The following KCNJ1 variants were observed in gnomAD, a reference collection of about 807,000 sequenced individuals.
KCNJ1 encodes the protein potassium inwardly rectifying channel subfamily J member 1, also known as ATP-sensitive inward rectifier potassium channel 1.
Under a neutral mutation model 21.9 loss-of-function variants are expected in KCNJ1, and 24 were observed. That is an observed-to-expected ratio of 1.10 (90% CI 0.79 to 1.54). The LOEUF (loss-of-function observed/expected upper bound fraction) is 1.54. Among genes scored for constraint, KCNJ1 ranks in the 40% most tolerant of loss-of-function variants. KCNJ1 has a pLI of 0.00. For synonymous variants in KCNJ1, 152 were observed against 160.9 expected (o/e 0.94, Z 0.42); for missense variants, 457 against 455.4 (o/e 1.00, Z -0.03).
chr11:128,863,556 G>A (rs1040467887), intron 1 of KCNJ1, among the ~76,000 whole-genome samples: 1 of 152,070 alleles, frequency 6.6e-6, no homozygotes, highest in Non-Finnish European at 1.5e-5. Flanking sequence ...AACAGTGCTG[G>A]GAAAATTCAG....
In KCNJ1 at chr11:128,839,024, C is replaced by G. The variant is rs1249231832; in HGVS notation, c.*101G>C. 1.2e-5 allele frequency: 13 copies of G among 1,052,400 alleles called. 1 individual carries two copies. Among genetic ancestry groups the G allele is most frequent in the Admixed American group, 7.8e-5 (4 of 51,582 alleles). The allele number at this position is 1,052,400 out of a possible 1,614,324, so 65.2% of individuals were successfully genotyped here. A position where few individuals can be genotyped will look rare whatever the true frequency, so the allele number is the denominator to read the frequency against. On this transcript the variant is annotated 3_prime_UTR_variant, in exon 3 of 3. Transcript: ENST00000392666. Reference sequence around the variant, plus strand: ...TTTGTGCTGGTAGACTTTGAAGGCTCTCATCCTACTTTCGTACCCCTAAAT... The same window carrying G: ...TTTGTGCTGGTAGACTTTGAAGGCTGTCATCCTACTTTCGTACCCCTAAAT...
intron 2 of KCNJ1, among the ~76,000 whole-genome samples, chr11:128,840,514 T>C (rs750169441): frequency 1.5e-4 from 21 of 142,450 alleles, no homozygotes; most frequent in Non-Finnish European, 2.7e-4. Context: ...GAAGACAAAC[T>C]AAGTGATTAT....
At chr11:128,851,383 G>A (rs1943475677) in intron 1 of KCNJ1, among the ~76,000 whole-genome samples, 1 of 152,170 alleles carries the variant, frequency 6.6e-6, no homozygotes, top group East Asian at 1.9e-4. Context: ...ATTTTATAAA[G>A]TGAAGAATAA....
chr11:128,839,844 A>G lies in KCNJ1; in HGVS notation c.400T>C (p.Cys134Arg). 6.2e-7 allele frequency: 1 copy of G among 1,614,196 alleles called. No homozygotes were observed. The highest frequency in any genetic ancestry group is 1.3e-5 in the African/African-American group (1 of 75,068). ...ATAAGCAGAAAAATGGCAGTGGCAC[A>G]CTGTTCTGTCACACACCTGAATCCA... The part of the protein sequence containing the change: ...GYGFRCVTEQ[C>R]ATAIFLLIFQ... Residue 134 changes from cysteine (C) to arginine (R), a missense_variant, in exon 3 of 3, where the codon TGT becomes CGT. Cys to Arg is a radical substitution (Grantham distance 180). Coordinates refer to ENST00000392666, the MANE Select transcript of KCNJ1 (RefSeq NM_153766.3).
At chr11:128,862,702 C>T (rs950601821) in intron 1 of KCNJ1, among the ~76,000 whole-genome samples, 2 of 152,206 alleles carry the variant, frequency 1.3e-5, no homozygotes, top group Non-Finnish European at 2.9e-5. Context: ...GCCAGCACAG[C>T]GGGGGCTTCC....
In KCNJ1 at chr11:128,862,318, C is replaced by T. The variant is rs528886219; in HGVS notation, c.-192+4855G>A. On this transcript the variant is annotated intron_variant, in intron 1 of 2. Coordinates refer to ENST00000392666, the MANE Select transcript of KCNJ1 (RefSeq NM_153766.3). ...TCTTCAGTGGTGAGCATTGCCCAGG[C>T]TGGGTGTGAATTCTTATGCACAATG... 1.9e-4 allele frequency among the ~76,000 whole-genome samples: 29 copies of T among 152,282 alleles called. No homozygotes were observed. In the South Asian group the frequency reaches 3.3e-3, roughly 17 times the overall value.
intron 1 of KCNJ1, among the ~76,000 whole-genome samples, chr11:128,853,855 T>A (rs966894599): frequency 2.0e-5 from 3 of 152,198 alleles, no homozygotes; most frequent in African/African-American, 7.2e-5. Context: ...ACCATCAGAA[T>A]GATTTTCTCT....
intron 1 of KCNJ1, among the ~76,000 whole-genome samples, chr11:128,866,002 C>T (rs934860703): frequency 2.0e-5 from 3 of 152,136 alleles, no homozygotes; most frequent in Non-Finnish European, 2.9e-5. Context: ...AGAAGAAATC[C>T]ACCTTCATGA....
At chr11:128,841,451 G>T (rs913482487) in intron 2 of KCNJ1, among the ~76,000 whole-genome samples, 9 of 152,114 alleles carry the variant, frequency 5.9e-5, no homozygotes, top group Non-Finnish European at 2.9e-5. Context: ...ATGGTGAAGG[G>T]CCTGTCCCAT....
chr11:128,864,072 CTCTTTTT>C (rs1943768405), intron 1 of KCNJ1, among the ~76,000 whole-genome samples: 1 of 126,988 alleles, frequency 7.9e-6, no homozygotes, highest in African/African-American at 2.9e-5. Context: ...TTCTTTTTCT[CTCTTTTT>C]TTTTTTTTTT....
intron 1 of KCNJ1, among the ~76,000 whole-genome samples, chr11:128,857,176 C>T (rs886435989): frequency 4.6e-5 from 7 of 152,294 alleles, no homozygotes; most frequent in African/African-American, 1.4e-4. Flanking sequence ...CCGCTCTAGG[C>T]CTTCCCATGT....
chr11:128,847,981 G>C (rs904916870), intron 2 of KCNJ1, among the ~76,000 whole-genome samples: 2 of 151,764 alleles, frequency 1.3e-5, no homozygotes, highest in Non-Finnish European at 2.9e-5. Context: ...AGATCCTCCT[G>C]CCTCAGCCTC....
intron 2 of KCNJ1, among the ~76,000 whole-genome samples, chr11:128,843,916 G>A (rs1029992579): frequency 2.6e-5 from 4 of 152,186 alleles, no homozygotes; most frequent in African/African-American, 9.7e-5. Context: ...GTGCAAATGT[G>A]TCAATAATCT....
At chr11:128,850,604 G>T (rs561328941) in intron 2 of KCNJ1, 117 bp downstream of exon 2, 1 of 300,418 alleles carries the variant, frequency 3.3e-6, no homozygotes, top group Non-Finnish European at 4.9e-6. Context: ...ACCTGCAAGG[G>T]CAAATGACTA....
chr11:128,842,621 T>G (rs1211245400), intron 2 of KCNJ1: 2 of 1,145,548 alleles, frequency 1.7e-6, no homozygotes, highest in African/African-American at 3.1e-5. Flanking sequence ...CCAAGCTGAA[T>G]AGGTATTTTT....
chr11:128,858,709 C>A (rs1478161488), intron 1 of KCNJ1, among the ~76,000 whole-genome samples: 1 of 152,194 alleles, frequency 6.6e-6, no homozygotes, highest in Non-Finnish European at 1.5e-5. Context: ...GTCTATGTCA[C>A]TCTGTGACAT....
chr11:128,839,153 A>C lies in KCNJ1; in HGVS notation c.1091T>G (p.Val364Gly). The C allele has an allele frequency of 6.2e-7, 1 of 1,614,034 alleles. No individual in the cohort carries two copies. The highest frequency in any genetic ancestry group is 2.2e-5 in the East Asian group (1 of 44,886). ...CATTTTGGTGTCATCTGTTTCATTGACTTCTGACAAGATGAAGTTGGGGTT... is the reference window on the plus strand; with the variant it reads ...CATTTTGGTGTCATCTGTTTCATTGCCTTCTGACAAGATGAAGTTGGGGTT... ...YDNPNFILSE[V>G]NETDDTKM The change falls in exon 3 of 3, where the codon GTC (valine) becomes GGC (glycine). Residue 364 changes from valine (V) to glycine (G), a missense_variant. Physicochemically the swap from Val to Gly is moderately radical, Grantham distance 109. Transcript: ENST00000392666.
At chr11:128,854,994 G>C (rs895145385) in intron 1 of KCNJ1, among the ~76,000 whole-genome samples, 1 of 152,166 alleles carries the variant, frequency 6.6e-6, no homozygotes, top group African/African-American at 2.4e-5. Flanking sequence ...TCTGGAGTCA[G>C]GCTTGAATTC....
chr11:128,861,860 G>A (rs1389499993), intron 1 of KCNJ1, among the ~76,000 whole-genome samples: 2 of 152,214 alleles, frequency 1.3e-5, no homozygotes, highest in Non-Finnish European at 2.9e-5. Flanking sequence ...ACATCCTAAC[G>A]GGTGAGGTTG....
Sources: gnomAD v4.1 joint callset for allele counts (sites outside exome capture counted in the v4.1 genomes callset) on GRCh38, gnomAD v4.1.1 for gene constraint, MANE v1.5 for transcripts, NCBI Gene and HGNC (gene_info 2026-07-23, HGNC 2026-07-21) for gene names.